The following PPM1A variants were observed in gnomAD, a reference collection of about 807,000 sequenced individuals.
PPM1A encodes the protein protein phosphatase, Mg2+/Mn2+ dependent 1A, also known as protein phosphatase 1A.
A neutral mutation model predicts 35.0 loss-of-function variants in PPM1A; 7 were observed. The observed-to-expected ratio is 0.20, with a 90% CI of 0.11 to 0.38. PPM1A has a LOEUF of 0.38. Among genes scored for constraint, PPM1A ranks in the 10% least tolerant of loss-of-function variants. The pLI is 1.00. For synonymous variants in PPM1A, 153 were observed against 167.3 expected, an observed-to-expected ratio of 0.91 and a Z score of 0.66; for missense variants, 239 against 467.8, an observed-to-expected ratio of 0.51 and a Z score of 4.51.
rs1235584241 is a variant in PPM1A at position 60,294,903 on chromosome 14, A to C, written c.*2421A>C. The C allele has an allele frequency of 1.3e-5, 2 of 151,776 alleles. No individual in the cohort carries two copies. The highest frequency in any genetic ancestry group is 2.4e-5 in the African/African-American group (1 of 41,400). The allele number at this position is 151,776 out of a possible 1,614,324, so 9.4% of individuals were successfully genotyped here. A position where few individuals can be genotyped will look rare whatever the true frequency, so the allele number is the denominator to read the frequency against. ...CTATAAAAATACAGGAAGGAAGTAT[A>C]CATTATAACAGCAGACTGTGTGTGT... is the stretch of plus-strand genomic sequence containing the variant. On this transcript the variant is annotated 3_prime_UTR_variant, in exon 6 of 6. Coordinates refer to ENST00000395076, the MANE Select transcript of PPM1A (RefSeq NM_021003.5).
At chr14:60,264,207 T>C (rs1316160159) in intron 1 of PPM1A, among the ~76,000 whole-genome samples, 2 of 152,156 alleles carry the variant, frequency 1.3e-5, no homozygotes, top group African/African-American at 4.8e-5. Context: ...GAATTCTTGG[T>C]TGATAGGTTT....
intron 1 of PPM1A, among the ~76,000 whole-genome samples, chr14:60,280,965 A>T (rs563867484): frequency 6.6e-6 from 1 of 152,256 alleles, no homozygotes; most frequent in Non-Finnish European, 1.5e-5. Flanking sequence ...CTTTAAACTT[A>T]TTAGTTGAGT....
chr14:60,290,172 C>G (rs1005313725), intron 4 of PPM1A, among the ~76,000 whole-genome samples: 1 of 151,968 alleles, frequency 6.6e-6, no homozygotes, highest in Non-Finnish European at 1.5e-5. Flanking sequence ...AGAGCATAAA[C>G]GAGATAATAT....
At chr14:60,281,362 G>C (rs1028523487) in intron 1 of PPM1A, among the ~76,000 whole-genome samples, 3 of 152,182 alleles carry the variant, frequency 2.0e-5, no homozygotes, top group African/African-American at 7.2e-5. Context: ...CTATGTATCA[G>C]TTTGGACCTA....
At chr14:60,276,942 C>T in intron 1 of PPM1A, 1 of 763,594 alleles carries the variant, frequency 1.3e-6, no homozygotes, top group Non-Finnish European at 1.7e-6. Flanking sequence ...TTAAAAGGTA[C>T]AAAATGTTCA....
In PPM1A at chr14:60,298,556, G is replaced by C. The variant is rs1192687103; in HGVS notation, c.*6074G>C. The C allele has an allele frequency of 6.6e-6, 1 of 151,672 alleles. No individual in the cohort carries two copies. The highest frequency in any genetic ancestry group is 2.4e-5 in the African/African-American group (1 of 41,372). The allele number at this position is 151,672 out of a possible 1,614,324, so 9.4% of individuals were successfully genotyped here. A position where few individuals can be genotyped will look rare whatever the true frequency, so the allele number is the denominator to read the frequency against. On this transcript the variant is annotated 3_prime_UTR_variant, in exon 6 of 6. Transcript: ENST00000395076. ...CCATTTGTGGGACTTCTGGAACATAGAAACCATTATCTTACCTGGTTATCC... is the reference window on the plus strand; with the variant it reads ...CCATTTGTGGGACTTCTGGAACATACAAACCATTATCTTACCTGGTTATCC...
chr14:60,257,077 A>G (rs1436084404), intron 1 of PPM1A, among the ~76,000 whole-genome samples: 1 of 152,232 alleles, frequency 6.6e-6, no homozygotes, highest in African/African-American at 2.4e-5. Flanking sequence ...TTAAAAAAGC[A>G]TAAGATATGG....
chr14:60,274,254 G>T (rs1459110325), intron 1 of PPM1A, among the ~76,000 whole-genome samples: 1 of 152,148 alleles, frequency 6.6e-6, no homozygotes, highest in African/African-American at 2.4e-5. Flanking sequence ...GCTTCTGTGA[G>T]CAGTCAATTA....
rs1886086587 is a variant in PPM1A, at chr14:60,279,078, GTATT to G, written c.-20-3603_-20-3600del. On this transcript the variant is annotated intron_variant, in intron 1 of 5. Coordinates refer to ENST00000395076, the MANE Select transcript of PPM1A (RefSeq NM_021003.5). ...CTTGGGACAAAAACTTCAAGAAACA[GTATT>G]TACTTACTTTTATCACCTGGGATGC... is the stretch of plus-strand genomic sequence containing the variant. Among the ~76,000 whole-genome samples, 3 of 152,178 alleles carry G rather than the reference GTATT, an allele frequency of 2.0e-5. No individual in the cohort carries two copies. In the South Asian group the frequency reaches 6.2e-4, roughly 32 times the overall value.
rs923269668 is a variant in PPM1A, at chr14:60,283,947, G to A, written c.834+410G>A. On this transcript the variant is annotated intron_variant, in intron 2 of 5. Coordinates refer to ENST00000395076, the MANE Select transcript of PPM1A (RefSeq NM_021003.5). This position sits in a 1 kb window ranked among gnomAD's most constrained non-coding sequence, Gnocchi z 6.3. ...TGATATCCTAATCCTTTGAAACTAA[G>A]GTTTAATGGTCTGTAGCACTTGAAA... is the stretch of plus-strand genomic sequence containing the variant. Among the ~76,000 whole-genome samples the A allele has an allele frequency of 6.6e-6, 1 of 152,130 alleles. No individual in the cohort carries two copies. Among genetic ancestry groups the A allele is most frequent in the East Asian group, 1.9e-4 (1 of 5,188 alleles).
At chr14:60,279,094 A>G (rs2139506046) in intron 1 of PPM1A, among the ~76,000 whole-genome samples, 1 of 152,254 alleles carries the variant, frequency 6.6e-6, no homozygotes, top group African/African-American at 2.4e-5. Context: ...ACTTACTTTT[A>G]TCACCTGGGA....
upstream of PPM1A, chr14:60,248,612 G>T (rs1881949671): frequency 6.6e-6 from 1 of 152,412 alleles, no homozygotes; most frequent in African/African-American, 2.4e-5. Flanking sequence ...TCTGGGGTAG[G>T]GGGGTCTGGC....
intron 1 of PPM1A, among the ~76,000 whole-genome samples, chr14:60,267,798 A>C (rs1293471111): frequency 6.6e-6 from 1 of 152,116 alleles, no homozygotes; most frequent in African/African-American, 2.4e-5. Context: ...TTTCCACATT[A>C]GTTTTACAGA....
chr14:60,286,132 C>A, intron 3 of PPM1A: 1 of 986,502 alleles, frequency 1.0e-6, no homozygotes, highest in Non-Finnish European at 1.2e-6. Flanking sequence ...CTATGAAAAG[C>A]TGTGTATATT....
chr14:60,282,991 T>C lies in PPM1A; in HGVS notation c.288T>C (p.Asn96=), dbSNP rs1886577414. 1.2e-6 allele frequency: 2 copies of C among 1,614,090 alleles called. No individual in the cohort carries two copies. Among genetic ancestry groups the C allele is most frequent in the Middle Eastern group, 1.6e-4 (1 of 6,062 alleles). The change falls in exon 2 of 6, where the codon AAT becomes AAC. Residue 96 remains asparagine, a synonymous_variant. Transcript: ENST00000395076. This position sits in a 1 kb window ranked among gnomAD's most constrained non-coding sequence, Gnocchi z 5.1. ...KGSAGAPSVE[N]VKNGIRTGFL... The stretch of plus-strand genomic sequence containing the variant: ...CTGCAGGAGCACCTTCTGTGGAAAA[T>C]GTAAAGAATGGAATCAGAACAGGTT...
chr14:60,276,976 TATTAA>T, intron 1 of PPM1A: 2 of 975,858 alleles, frequency 2.0e-6, no homozygotes, highest in Non-Finnish European at 2.6e-6. Flanking sequence ...TTATATCAAA[TATTAA>T]TTCAGTCTTG....
rs1276788821 is a variant in PPM1A, at chr14:60,249,359, G to C, written c.-339G>C. The C allele has an allele frequency of 7.1e-6, 7 of 980,986 alleles. No individual in the cohort carries two copies. The highest frequency in any genetic ancestry group is 3.6e-5 in the African/African-American group (2 of 55,710). 60.8% of individuals were successfully genotyped at this position (980,986 alleles called of 1,614,324 possible). ...TGCTCCGGAACGGGTGGTTGGGGAG[G>C]GGGGGGTGGGGGGACTCTAGACAGC... On this transcript the variant is annotated 5_prime_UTR_variant, in exon 1 of 6. Transcript: ENST00000395076. This position sits in a 1 kb window ranked among gnomAD's most constrained non-coding sequence, Gnocchi z 4.5.
Position 60,289,781 on chromosome 14 carries a change from CA to C in PPM1A, c.953-18del, listed in dbSNP as rs752906418. On this transcript the variant is annotated intron_variant, in intron 3 of 5. Coordinates refer to ENST00000395076, the MANE Select transcript of PPM1A (RefSeq NM_021003.5). This position sits in a 1 kb window ranked among gnomAD's most constrained non-coding sequence, Gnocchi z 4.1. Reference sequence around the variant, plus strand: ...TTCAATTAAATTTGGATAACACTTACAAAAAAAGTACTTCTGATTCCCAGAA... The same window carrying C: ...TTCAATTAAATTTGGATAACACTTACAAAAAAGTACTTCTGATTCCCAGAA... 6.1e-5 allele frequency: 92 copies of C among 1,512,882 alleles called. No homozygotes were observed. In the South Asian group the frequency reaches 6.4e-4, roughly 11 times the overall value. The allele number at this position is 1,512,882 out of a possible 1,614,324, so 93.7% of individuals were successfully genotyped here. A position where few individuals can be genotyped will look rare whatever the true frequency, so the allele number is the denominator to read the frequency against.
Position 60,291,448 on chromosome 14 carries a change from C to T in PPM1A, c.1113C>T (p.Asp371=), listed in dbSNP as rs369842708. ...ATAGACTGAATCCTTACAAAAATGA[C>T]GACACTGTAAGTAGCATTTTAGCTC... ...VYNRLNPYKN[D]DTDSTSTDDM... is the part of the protein sequence containing the mutation. Residue 371 remains aspartate (D), a synonymous_variant, in exon 5 of 6, where the codon GAC becomes GAT. Coordinates refer to ENST00000395076, the MANE Select transcript of PPM1A (RefSeq NM_021003.5). 3.6e-5 allele frequency: 57 copies of T among 1,574,274 alleles called. No individual in the cohort carries two copies. Among genetic ancestry groups the T allele is most frequent in the Non-Finnish European group, 4.8e-5 (55 of 1,154,168 alleles).
Sources: gnomAD v4.1 joint callset for allele counts (sites outside exome capture counted in the v4.1 genomes callset) on GRCh38, gnomAD v4.1.1 for gene constraint, Gnocchi (gnomAD v3.1) non-coding constraint, MANE v1.5 for transcripts, NCBI Gene and HGNC (gene_info 2026-07-23, HGNC 2026-07-21) for gene names.